The following KCNQ1OT1 variants were observed in gnomAD, a reference collection of about 807,000 sequenced individuals.
The protein encoded by KCNQ1OT1 is KCNQ1 antisense RNA 2 (non-protein coding).
At position 2,613,208 on chromosome 11, in the gene KCNQ1OT1, G is replaced by C; in HGVS notation, n.86787C>G. On this transcript the variant is annotated non_coding_transcript_exon_variant, in exon 1 of 1. Transcript: ENST00000597346. The surrounding 1 kb of genome is among the most constrained non-coding windows in gnomAD (Gnocchi z 4.8). Reference sequence around the variant, plus strand: ...TTATAACTCTGTCCTGTATTTTACTGTCTGCTTGCAAAAGGTCTCACAGTC... The same window carrying C: ...TTATAACTCTGTCCTGTATTTTACTCTCTGCTTGCAAAAGGTCTCACAGTC... The C allele has an allele frequency of 2.5e-6, 1 of 398,508 alleles. No individual in the cohort carries two copies. Among genetic ancestry groups the C allele is most frequent in the Non-Finnish European group, 4.4e-6 (1 of 226,076 alleles). The allele number at this position is 398,508 out of a possible 1,614,324, so 24.7% of individuals were successfully genotyped here.
chr11:2,628,388 T>A (rs546507041), exon 1 of KCNQ1OT1: 115 of 398,412 alleles, frequency 2.9e-4, no homozygotes, highest in Non-Finnish European at 4.8e-4. Context: ...TGATGATAAG[T>A]GATGTTAAGC....
At position 2,648,727 on chromosome 11, in the gene KCNQ1OT1, C is replaced by T. The variant is rs117669349; in HGVS notation, n.51268G>A. The T allele has an allele frequency of 3.7e-3, 1,486 of 398,442 alleles. 6 individuals carry two copies. The highest frequency in any genetic ancestry group is 0.012 in the South Asian group (94 of 7,854). The allele number at this position is 398,442 out of a possible 1,614,324, so 24.7% of individuals were successfully genotyped here. A position where few individuals can be genotyped will look rare whatever the true frequency, so the allele number is the denominator to read the frequency against. On this transcript the variant is annotated non_coding_transcript_exon_variant, in exon 1 of 1. Transcript: ENST00000597346. ...TCCTGGAGAATGTGCTGTGTGCTAA[C>T]GAAGCAGCAGTTCAAATCTAATATT... is the stretch of plus-strand genomic sequence containing the variant.
In KCNQ1OT1 at chr11:2,626,113, C is replaced by T; in HGVS notation, n.73882G>A. 7.5e-6 allele frequency: 3 copies of T among 398,536 alleles called. No homozygotes were observed. Among genetic ancestry groups the T allele is most frequent in the Non-Finnish European group, 1.3e-5 (3 of 226,062 alleles). The allele number at this position is 398,536 out of a possible 1,614,324, so 24.7% of individuals were successfully genotyped here. A position where few individuals can be genotyped will look rare whatever the true frequency, so the allele number is the denominator to read the frequency against. ...CTATTTTTACTTTTATTGCCTGTGC[C>T]TTTGGTGTCGCATACAAGAAGCACT... On this transcript the variant is annotated non_coding_transcript_exon_variant, in exon 1 of 1. Transcript: ENST00000597346. The surrounding 1 kb of genome is among the most constrained non-coding windows in gnomAD (Gnocchi z 4.0).
At chr11:2,635,144 T>C (rs1849439696) in exon 1 of KCNQ1OT1, 1 of 152,218 alleles carries the variant, frequency 6.6e-6, no homozygotes, top group Non-Finnish European at 1.5e-5. Context: ...CTATTCACTC[T>C]GACGGTAGTT....
Position 2,617,569 on chromosome 11 carries a change from G to A in KCNQ1OT1, n.82426C>T, listed in dbSNP as rs1211621446. On this transcript the variant is annotated non_coding_transcript_exon_variant, in exon 1 of 1. Coordinates refer to ENST00000597346, the Ensembl canonical transcript of KCNQ1OT1. This position sits in a 1 kb window ranked among gnomAD's most constrained non-coding sequence, Gnocchi z 4.6. ...GAGGTGGAGATTTCATTTTCTTTGG[G>A]AATATACCTAGAAGAGGGATTAGTG... 5.0e-6 allele frequency: 2 copies of A among 398,246 alleles called. No individual in the cohort carries two copies. The highest frequency in any genetic ancestry group is 4.1e-5 in the African/African-American group (2 of 48,586). 24.7% of individuals were successfully genotyped at this position (398,246 alleles called of 1,614,324 possible).
At position 2,613,179 on chromosome 11, in the gene KCNQ1OT1, C is replaced by T; in HGVS notation, n.86816G>A. On this transcript the variant is annotated non_coding_transcript_exon_variant, in exon 1 of 1. Transcript: ENST00000597346. The surrounding 1 kb of genome is among the most constrained non-coding windows in gnomAD (Gnocchi z 4.8). ...TGGGTTGGGACATTCAAAGTTCAGG[C>T]ACTTTATAACTCTGTCCTGTATTTT... 2.5e-6 allele frequency: 1 copy of T among 398,522 alleles called. No individual in the cohort carries two copies. Among genetic ancestry groups the T allele is most frequent in the Admixed American group, 4.4e-5 (1 of 22,724 alleles). The allele number at this position is 398,522 out of a possible 1,614,324, so 24.7% of individuals were successfully genotyped here.
chr11:2,664,907 C>T lies in KCNQ1OT1; in HGVS notation n.35088G>A, dbSNP rs925832188. The T allele has an allele frequency of 5.0e-6, 2 of 398,528 alleles. No homozygotes were observed. The highest frequency in any genetic ancestry group is 8.8e-6 in the Non-Finnish European group (2 of 226,094). 24.7% of individuals were successfully genotyped at this position (398,528 alleles called of 1,614,324 possible). A position where few individuals can be genotyped will look rare whatever the true frequency, so the allele number is the denominator to read the frequency against. On this transcript the variant is annotated non_coding_transcript_exon_variant, in exon 1 of 1. Coordinates refer to ENST00000597346, the Ensembl canonical transcript of KCNQ1OT1. The surrounding 1 kb of genome is among the most constrained non-coding windows in gnomAD (Gnocchi z 5.1). ...ATAAAGACACATTTTGTTTCCATCT[C>T]GAGCTCTCCCCGCCCGCAGGGCCCC...
Position 2,648,198 on chromosome 11 carries a change from G to A in KCNQ1OT1, n.51797C>T, listed in dbSNP as rs138657168. ...CTAGCCTGGGTGACAGAGTGAGACC[G>A]TGTCTCGGGGGGTGGGGGGGAGGCC... On this transcript the variant is annotated non_coding_transcript_exon_variant, in exon 1 of 1. Coordinates refer to ENST00000597346, the Ensembl canonical transcript of KCNQ1OT1. 3,465 of 389,158 alleles carry A rather than the reference G, an allele frequency of 8.9e-3. 18 individuals are homozygous for A. Among genetic ancestry groups the A allele is most frequent in the Non-Finnish European group, 0.011 (2,464 of 223,618 alleles). 24.1% of individuals were successfully genotyped at this position (389,158 alleles called of 1,614,324 possible). A position where few individuals can be genotyped will look rare whatever the true frequency, so the allele number is the denominator to read the frequency against.
At chr11:2,643,060 A>G in exon 1 of KCNQ1OT1, 1 of 398,034 alleles carries the variant, frequency 2.5e-6, no homozygotes, top group Non-Finnish European at 4.4e-6. Context: ...TATATTTAAA[A>G]TCATACTTAG....
At chr11:2,688,073 T>G (rs1850522251) in exon 1 of KCNQ1OT1, 1 of 398,864 alleles carries the variant, frequency 2.5e-6, no homozygotes, top group South Asian at 1.3e-4. Context: ...TTGGTGCTTC[T>G]AGGGCCTGGG....
Position 2,624,655 on chromosome 11 carries a change from C to A in KCNQ1OT1, n.75340G>T, listed in dbSNP as rs925076369. On this transcript the variant is annotated non_coding_transcript_exon_variant, in exon 1 of 1. Transcript: ENST00000597346. This position sits in a 1 kb window ranked among gnomAD's most constrained non-coding sequence, Gnocchi z 4.9. Reference sequence around the variant, plus strand: ...GAATGTATTAGATACGTTCACAATGCTGTGCAATCATCACTATCATCCATC... The same window carrying A: ...GAATGTATTAGATACGTTCACAATGATGTGCAATCATCACTATCATCCATC... 1 of 398,558 alleles carries A rather than the reference C, an allele frequency of 2.5e-6. No individual in the cohort carries two copies. The highest frequency in any genetic ancestry group is 1.3e-4 in the South Asian group (1 of 7,860). 24.7% of individuals were successfully genotyped at this position (398,558 alleles called of 1,614,324 possible). A position where few individuals can be genotyped will look rare whatever the true frequency, so the allele number is the denominator to read the frequency against.
At chr11:2,692,273 C>G (rs1850600888) in exon 1 of KCNQ1OT1, 1 of 398,920 alleles carries the variant, frequency 2.5e-6, no homozygotes, top group African/African-American at 2.1e-5. Flanking sequence ...CTTCACCCAT[C>G]CATAGTTCTA....
At position 2,642,485 on chromosome 11, in the gene KCNQ1OT1, T is replaced by C. The variant is rs1849594787; in HGVS notation, n.57510A>G. ...AATTTATTGATCAGACTGAAGAGTT[T>C]TGATTTTTGTATTTCATGGTATGAG... On this transcript the variant is annotated non_coding_transcript_exon_variant, in exon 1 of 1. Coordinates refer to ENST00000597346, the Ensembl canonical transcript of KCNQ1OT1. The surrounding 1 kb of genome is among the most constrained non-coding windows in gnomAD (Gnocchi z 4.3). The C allele has an allele frequency of 5.0e-6, 2 of 398,094 alleles. No homozygotes were observed. Among genetic ancestry groups the C allele is most frequent in the African/African-American group, 2.1e-5 (1 of 48,744 alleles). The allele number at this position is 398,094 out of a possible 1,614,324, so 24.7% of individuals were successfully genotyped here. A position where few individuals can be genotyped will look rare whatever the true frequency, so the allele number is the denominator to read the frequency against.
rs1278251721 is a variant in KCNQ1OT1, at chr11:2,642,443, A to C, written n.57552T>G. ...ATATAGAAATAAGCCTGATTTTTAAATCCTGTAACTGTAATCAATTTATTG... is the reference window on the plus strand; with the variant it reads ...ATATAGAAATAAGCCTGATTTTTAACTCCTGTAACTGTAATCAATTTATTG... On this transcript the variant is annotated non_coding_transcript_exon_variant, in exon 1 of 1. Coordinates refer to ENST00000597346, the Ensembl canonical transcript of KCNQ1OT1. The surrounding 1 kb of genome is among the most constrained non-coding windows in gnomAD (Gnocchi z 4.3). The C allele has an allele frequency of 2.5e-6, 1 of 397,994 alleles. No individual in the cohort carries two copies. Among genetic ancestry groups the C allele is most frequent in the African/African-American group, 2.1e-5 (1 of 48,600 alleles). The allele number at this position is 397,994 out of a possible 1,614,324, so 24.7% of individuals were successfully genotyped here.
At chr11:2,643,885 G>T (rs926736915) in exon 1 of KCNQ1OT1, 2 of 398,398 alleles carry the variant, frequency 5.0e-6, no homozygotes, top group Non-Finnish European at 8.8e-6. Flanking sequence ...TGGCTGGCAG[G>T]TTTTTGGTTT....
exon 1 of KCNQ1OT1, chr11:2,630,121 T>A (rs1033449757): frequency 3.0e-5 from 12 of 398,264 alleles, no homozygotes; most frequent in Non-Finnish European, 4.4e-5. Flanking sequence ...ATAGTTTTTA[T>A]CATGGAAGGA....
chr11:2,697,256 T>C lies in KCNQ1OT1; in HGVS notation n.2739A>G, dbSNP rs549973813. 100 of 398,204 alleles carry C rather than the reference T, an allele frequency of 2.5e-4. No individual in the cohort carries two copies. Among genetic ancestry groups the C allele is most frequent in the Non-Finnish European group, 3.9e-4 (89 of 226,020 alleles). 24.7% of individuals were successfully genotyped at this position (398,204 alleles called of 1,614,324 possible). A position where few individuals can be genotyped will look rare whatever the true frequency, so the allele number is the denominator to read the frequency against. ...TCTATCAAGAAAAGCCCTTTGGGGG[T>C]TTCAATAACTTTTAAGAATACAACA... On this transcript the variant is annotated non_coding_transcript_exon_variant, in exon 1 of 1. Coordinates refer to ENST00000597346, the Ensembl canonical transcript of KCNQ1OT1.
At chr11:2,699,676 G>T (rs1187017440) in exon 1 of KCNQ1OT1, 3 of 354,924 alleles carry the variant, frequency 8.5e-6, no homozygotes, top group Non-Finnish European at 1.5e-5. Flanking sequence ...GGAGAACCGC[G>T]CCGAAAAGCC....
chr11:2,662,601 C>T (rs753173661), exon 1 of KCNQ1OT1: 2 of 416,636 alleles, frequency 4.8e-6, no homozygotes, highest in East Asian at 3.4e-5. Context: ...CCTCCCCCGC[C>T]GTCACGGCAT....
Sources: gnomAD v4.1 joint callset for allele counts on GRCh38, gnomAD v4.1.1 for gene constraint, Gnocchi (gnomAD v3.1) non-coding constraint, MANE v1.5 for transcripts, NCBI Gene and HGNC (gene_info 2026-07-23, HGNC 2026-07-21) for gene names.